The following COL11A1 variants were observed in gnomAD, a reference collection of about 807,000 sequenced individuals.
COL11A1 encodes collagen type XI alpha 1 chain, also known as collagen alpha-1(XI) chain.
In COL11A1, 74 loss-of-function variants were observed where a neutral mutation model predicts 265.2. The observed-to-expected ratio is 0.28, with a 90% CI of 0.23 to 0.34. COL11A1 has a LOEUF of 0.34. COL11A1 is among the 10% of genes least tolerant of loss of function. The probability of loss-of-function intolerance (pLI) is 1.00; values close to 1 mark genes in which losing one functional copy is unlikely to be tolerated. For synonymous variants in COL11A1, 816 were observed against 727.6 expected (o/e 1.12, Z -1.96); for missense variants, 2,165 against 2,263.6 (o/e 0.96, Z 0.88).
At chr1:102,880,810 C>T (rs1018349597) in intron 65 of COL11A1, among the ~76,000 whole-genome samples, 3 of 151,862 alleles carry the variant, frequency 2.0e-5, no homozygotes, top group Non-Finnish European at 4.4e-5. Flanking sequence ...TAGGTCAGAT[C>T]ATGAGTATTC....
At position 103,001,931 on chromosome 1, in the gene COL11A1, A is replaced by C; in HGVS notation, c.2136T>G (p.Gly712=). 1 of 1,613,400 alleles carries C rather than the reference A, an allele frequency of 6.2e-7. No homozygotes were observed. The highest frequency in any genetic ancestry group is 1.7e-4 in the Middle Eastern group (1 of 6,060). ...PGPQGPIGPP[G]EKGPQGKPGL... ...GAACAACAGAGTAACTTACTTTTTC[A>C]CCAGGAGGACCAATTGGACCTTGTG... The change falls in exon 24 of 67, where the codon GGT becomes GGG. Residue 712 remains glycine (G), a synonymous_variant. Coordinates refer to ENST00000370096, the MANE Select transcript of COL11A1 (RefSeq NM_001854.4).
intron 1 of COL11A1, among the ~76,000 whole-genome samples, chr1:103,096,791 T>A (rs925832096): frequency 1.3e-5 from 2 of 152,032 alleles, no homozygotes; most frequent in African/African-American, 4.8e-5. Context: ...TATATTAATC[T>A]TAAGAAACAA....
chr1:103,037,024 T>C (rs1017092633), intron 4 of COL11A1, among the ~76,000 whole-genome samples: 1 of 93,106 alleles, frequency 1.1e-5, no homozygotes, highest in Non-Finnish European at 2.3e-5. Context: ...GATCTCACTA[T>C]TTTTTTTATC....
At chr1:103,002,023 T>C (rs1665156375) in intron 23 of COL11A1, 54 bp from the exon 24 acceptor site, 19 of 1,465,966 alleles carry the variant, frequency 1.3e-5, no homozygotes, top group Non-Finnish European at 1.8e-5. Context: ...AGTAATATGC[T>C]TTTAAAACAG....
At chr1:102,901,628 T>C (rs181310737) in intron 54 of COL11A1, among the ~76,000 whole-genome samples, 118 of 152,340 alleles carry the variant, frequency 7.7e-4, no homozygotes, top group Middle Eastern at 3.4e-3. Flanking sequence ...TGCTGCACTT[T>C]GATGAAGTAA....
intron 9 of COL11A1, among the ~76,000 whole-genome samples, chr1:103,020,544 G>A (rs1424304843): frequency 7.2e-5 from 4 of 55,800 alleles, no homozygotes; most frequent in East Asian, 4.7e-4. Flanking sequence ...TAGGTTGCCT[G>A]TTCACTCTGA....
chr1:103,025,760 G>A (rs559568465), intron 6 of COL11A1, 147 bp from the exon 7 acceptor site: 1 of 1,608,728 alleles, frequency 6.2e-7, no homozygotes, highest in South Asian at 1.1e-5. Context: ...AGATCTTCCA[G>A]CTTATCTAGG....
intron 41 of COL11A1, among the ~76,000 whole-genome samples, chr1:102,951,134 A>G (rs6691075): frequency 0.13 from 20,190 of 152,120 alleles, 1,734 homozygotes; most frequent in African/African-American, 0.24. Flanking sequence ...GGACTGATAT[A>G]CCATCTTACC....
Position 102,946,956 on chromosome 1 carries a change from C to T in COL11A1, c.3169G>A (p.Gly1057Ser). The T allele has an allele frequency of 1.2e-6, 2 of 1,610,158 alleles. No individual in the cohort carries two copies. Among genetic ancestry groups the T allele is most frequent in the Non-Finnish European group, 1.7e-6 (2 of 1,177,910 alleles). The part of the protein sequence containing the change: ...EGPQGPPGPV[G>S]SPGERGSAGT... ...GCTGACCCACGTTCTCCTGGTGAGC[C>T]CTAGTATACAGGAAAAGAAGTATTT... Residue 1057 changes from glycine (G) to serine (S), a missense_variant and splice_region_variant, in exon 42 of 67, where the codon GGC becomes AGC. Physicochemically the swap from Gly to Ser is moderately conservative, Grantham distance 56 (BLOSUM62 0). Coordinates refer to ENST00000370096, the MANE Select transcript of COL11A1 (RefSeq NM_001854.4).
At chr1:102,915,437 ATTTG>A (rs1655226684) in intron 50 of COL11A1, among the ~76,000 whole-genome samples, 190 bp downstream of exon 50, 2 of 152,162 alleles carry the variant, frequency 1.3e-5, no homozygotes, top group Admixed American at 6.5e-5. Flanking sequence ...TATTTTTTCA[ATTTG>A]TTTATCAATC....
chr1:103,011,117 A>T (rs115127893), intron 14 of COL11A1, among the ~76,000 whole-genome samples: 1,634 of 152,248 alleles, frequency 0.011, 18 homozygotes, highest in Non-Finnish European at 0.02. Flanking sequence ...AATCTACAAC[A>T]TTACAGTCTT....
chr1:103,008,376 A>G lies in COL11A1; in HGVS notation c.1683+87T>C, dbSNP rs1411721792. On this transcript the variant is annotated intron_variant, in intron 15 of 66. Coordinates refer to ENST00000370096, the MANE Select transcript of COL11A1 (RefSeq NM_001854.4). ...TGGAATACTACTCAGGAACAAAAAAAAAATTAACTATTGATGCATTCTCGA... is the reference window on the plus strand; with the variant it reads ...TGGAATACTACTCAGGAACAAAAAAGAAATTAACTATTGATGCATTCTCGA... 3 of 1,129,224 alleles carry G rather than the reference A, an allele frequency of 2.7e-6. No homozygotes were observed. In the East Asian group the frequency reaches 7.4e-5, roughly 28 times the overall value. 70.0% of individuals were successfully genotyped at this position (1,129,224 alleles called of 1,614,324 possible).
intron 36 of COL11A1, among the ~76,000 whole-genome samples, chr1:102,974,198 A>T (rs1416282581): frequency 6.6e-6 from 1 of 152,216 alleles, no homozygotes; most frequent in Non-Finnish European, 1.5e-5. Context: ...AAACAAAAAC[A>T]AAAAAGACCC....
chr1:103,007,102 G>A (rs972178630), intron 15 of COL11A1, among the ~76,000 whole-genome samples: 20 of 151,884 alleles, frequency 1.3e-4, no homozygotes, highest in African/African-American at 4.8e-4. Context: ...TTTAGATTGT[G>A]AACTGCTAAA....
intron 4 of COL11A1, among the ~76,000 whole-genome samples, chr1:103,032,344 ATAAT>A (rs1264035885): frequency 2.0e-5 from 3 of 152,176 alleles, no homozygotes; most frequent in African/African-American, 7.2e-5. Context: ...GAATGTGGAA[ATAAT>A]TCATTCTACA....
chr1:103,019,109 A>T (rs1195714586), intron 9 of COL11A1, among the ~76,000 whole-genome samples: 3 of 152,200 alleles, frequency 2.0e-5, no homozygotes, highest in Non-Finnish European at 4.4e-5. Flanking sequence ...GAATAATATT[A>T]CAAAGGAGAA....
chr1:102,979,568 A>G, intron 31 of COL11A1, 133 bp from the exon 32 acceptor site: 1 of 728,286 alleles, frequency 1.4e-6, no homozygotes, highest in South Asian at 1.5e-5. Context: ...ATTTTAAGAT[A>G]TCATCGAAGT....
intron 30 of COL11A1, among the ~76,000 whole-genome samples, chr1:102,986,980 G>GA (rs139117996): frequency 0.049 from 7,493 of 152,054 alleles, 596 homozygotes; most frequent in African/African-American, 0.17. Flanking sequence ...TGTTTAAGTG[G>GA]AAAAAATAAA....
Position 102,914,370 on chromosome 1 carries a change from A to G in COL11A1, c.3960T>C (p.Pro1320=), listed in dbSNP as rs779456714. The G allele has an allele frequency of 4.4e-6, 7 of 1,608,724 alleles. No homozygotes were observed. In the South Asian group the frequency reaches 6.7e-5, roughly 15 times the overall value. ...PVGFPGDPGP[P]GEPGPAGQDG... The stretch of plus-strand genomic sequence containing the variant: ...TACTTACTGCAGGGCCAGGTTCCCC[A>G]GGAGGACCAGGATCTCCAGGAAAAC... The change falls in exon 52 of 67, where the codon CCT becomes CCC. Residue 1320 remains proline (P), a synonymous_variant. Transcript: ENST00000370096.
Sources: gnomAD v4.1 joint callset for allele counts (sites outside exome capture counted in the v4.1 genomes callset) on GRCh38, gnomAD v4.1.1 for gene constraint, MANE v1.5 for transcripts, NCBI Gene and HGNC (gene_info 2026-07-23, HGNC 2026-07-21) for gene names.